SELENOI: variants seen among roughly 807,000 people sequenced by gnomAD.
The protein encoded by SELENOI is selenoprotein I, also known as ethanolaminephosphotransferase 1.
SELENOI carries 24 observed loss-of-function variants against 50.7 expected under a neutral mutation model. That is an observed-to-expected ratio of 0.47 (90% CI 0.34 to 0.67). SELENOI has a LOEUF of 0.67. Ranked by LOEUF, SELENOI falls within the 30% of genes least tolerant of loss-of-function variation. The probability of loss-of-function intolerance (pLI) is 0.01; values close to 1 mark genes in which losing one functional copy is unlikely to be tolerated. For synonymous variants in SELENOI, 155 were observed against 170.2 expected (o/e 0.91, Z 0.70); for missense variants, 352 against 461.4 (o/e 0.76, Z 2.17).
chr2:26,347,997 G>A (rs1003251237), intron 1 of SELENOI, among the ~76,000 whole-genome samples: 3 of 152,070 alleles, frequency 2.0e-5, no homozygotes, highest in African/African-American at 7.2e-5. Context: ...ATAGTTTGTT[G>A]ATATCATTTT....
rs775113885 is a variant in SELENOI, at chr2:26,390,381, G to A, written c.*1278G>A. On this transcript the variant is annotated 3_prime_UTR_variant, in exon 10 of 10. Transcript: ENST00000260585. The stretch of plus-strand genomic sequence containing the variant: ...TTTTCACTGAATGAAGTTTGTGCTT[G>A]AATGAAGAGTGTATCTTAAACCCCC... The A allele has an allele frequency of 1.5e-4, 23 of 152,504 alleles. No homozygotes were observed. The highest frequency in any genetic ancestry group is 2.9e-4 in the Non-Finnish European group (20 of 68,022). 9.4% of individuals were successfully genotyped at this position (152,504 alleles called of 1,614,324 possible). A position where few individuals can be genotyped will look rare whatever the true frequency, so the allele number is the denominator to read the frequency against.
Position 26,351,415 on chromosome 2 carries a change from A to AAT in SELENOI, c.57+5127_57+5128dup, listed in dbSNP as rs1183523034. Among the ~76,000 whole-genome samples, 7 of 152,274 alleles carry AAT rather than the reference A, an allele frequency of 4.6e-5. No individual in the cohort carries two copies. In the East Asian group the frequency reaches 1.3e-3, roughly 29 times the overall value. On this transcript the variant is annotated intron_variant, in intron 1 of 9. Coordinates refer to ENST00000260585, the MANE Select transcript of SELENOI (RefSeq NM_033505.4). ...AGCTGTGGCTCGCTGTGCTGCCCAG[A>AAT]ATTTTGAGAGAATATCATAGCACTT... is the stretch of plus-strand genomic sequence containing the variant.
Position 26,392,660 on chromosome 2 carries a change from A to G in SELENOI, c.*3557A>G, listed in dbSNP as rs1327802361. ...AAGGACTGGGAACGTGCCAGGGGGA[A>G]CAAAGTAAGCTTGATGGGCTGGAAC... is the stretch of plus-strand genomic sequence containing the variant. On this transcript the variant is annotated 3_prime_UTR_variant, in exon 10 of 10. Coordinates refer to ENST00000260585, the MANE Select transcript of SELENOI (RefSeq NM_033505.4). 6 of 152,218 alleles carry G rather than the reference A, an allele frequency of 3.9e-5. No homozygotes were observed. The highest frequency in any genetic ancestry group is 1.4e-4 in the African/African-American group (6 of 41,446). 9.4% of individuals were successfully genotyped at this position (152,218 alleles called of 1,614,324 possible).
Position 26,365,824 on chromosome 2 carries a change from C to T in SELENOI, c.235+884C>T, listed in dbSNP as rs1190134267. Among the ~76,000 whole-genome samples the T allele has an allele frequency of 6.5e-5, 8 of 123,000 alleles. 1 individual carries two copies. The highest frequency in any genetic ancestry group is 9.6e-5 in the Non-Finnish European group (6 of 62,726). 80.7% of individuals were successfully genotyped at this position (123,000 alleles called of 152,430 possible). On this transcript the variant is annotated intron_variant, in intron 3 of 9. Coordinates refer to ENST00000260585, the MANE Select transcript of SELENOI (RefSeq NM_033505.4). ...TTTTTTTTTTTTTTTTTTTTTGAGA[C>T]GGAGTGTCACTCTGTCGCCCAGGCT...
intron 1 of SELENOI, among the ~76,000 whole-genome samples, chr2:26,362,225 G>A (rs1245692557): frequency 1.3e-5 from 2 of 151,492 alleles, no homozygotes; most frequent in Non-Finnish European, 2.9e-5. Context: ...ACCTGCCACC[G>A]TGCCCGGCTA....
chr2:26,366,407 A>G (rs1677288094), intron 3 of SELENOI, among the ~76,000 whole-genome samples: 1 of 152,194 alleles, frequency 6.6e-6, no homozygotes, highest in Admixed American at 6.5e-5. Context: ...TTTCTTTGAC[A>G]ACTCTAAATA....
chr2:26,376,737 GT>G (rs1331062296), intron 6 of SELENOI, among the ~76,000 whole-genome samples: 1 of 151,916 alleles, frequency 6.6e-6, no homozygotes, highest in Non-Finnish European at 1.5e-5. Flanking sequence ...CTTCCTTTAG[GT>G]TTTTTTATAG....
At chr2:26,370,532 G>C (rs1216687692) in intron 4 of SELENOI, among the ~76,000 whole-genome samples, 2 of 137,120 alleles carry the variant, frequency 1.5e-5, no homozygotes, top group Non-Finnish European at 3.3e-5. Context: ...TGGCCGGGCA[G>C]AGGGGCTCCT....
At chr2:26,357,374 C>T (rs949864717) in intron 1 of SELENOI, among the ~76,000 whole-genome samples, 1 of 152,212 alleles carries the variant, frequency 6.6e-6, no homozygotes, top group African/African-American at 2.4e-5. Context: ...AGGCACACTT[C>T]CTGCTCCACT....
At chr2:26,376,370 G>C (rs1255735548) in intron 6 of SELENOI, among the ~76,000 whole-genome samples, 1 of 152,114 alleles carries the variant, frequency 6.6e-6, no homozygotes, top group Non-Finnish European at 1.5e-5. Flanking sequence ...CAATTATGTA[G>C]TGACCCTTTT....
At chr2:26,383,211 G>T in intron 6 of SELENOI, 88 bp from the exon 7 acceptor site, 1 of 854,218 alleles carries the variant, frequency 1.2e-6, no homozygotes. Context: ...AATTTTTGGG[G>T]TCTAAAAAAA....
At chr2:26,362,499 G>A (rs1172728874) in intron 1 of SELENOI, among the ~76,000 whole-genome samples, 4 of 151,944 alleles carry the variant, frequency 2.6e-5, no homozygotes, top group Non-Finnish European at 4.4e-5. Flanking sequence ...GGTGGCTCAC[G>A]CCTGTAATCC....
At chr2:26,382,318 T>C (rs2147961271) in intron 6 of SELENOI, among the ~76,000 whole-genome samples, 1 of 152,080 alleles carries the variant, frequency 6.6e-6, no homozygotes, top group East Asian at 1.9e-4. Context: ...CAGAATGAAA[T>C]GGTGAGATGG....
At chr2:26,356,910 TCTC>T (rs1366869879) in intron 1 of SELENOI, among the ~76,000 whole-genome samples, 1 of 152,116 alleles carries the variant, frequency 6.6e-6, no homozygotes, top group Non-Finnish European at 1.5e-5. Flanking sequence ...ATGTTATTGT[TCTC>T]CTGCCTTGAA....
chr2:26,378,872 C>A (rs1467008502), intron 6 of SELENOI, among the ~76,000 whole-genome samples: 1 of 152,282 alleles, frequency 6.6e-6, no homozygotes, highest in South Asian at 2.1e-4. Context: ...GTAAATATTT[C>A]ACTGTGTATC....
At position 26,395,349 on chromosome 2, in the gene SELENOI, G is replaced by A. The variant is rs1213403464; in HGVS notation, c.*6246G>A. 1.3e-5 allele frequency: 2 copies of A among 152,076 alleles called. No individual in the cohort carries two copies. The highest frequency in any genetic ancestry group is 2.9e-5 in the Non-Finnish European group (2 of 68,022). The allele number at this position is 152,076 out of a possible 1,614,324, so 9.4% of individuals were successfully genotyped here. On this transcript the variant is annotated 3_prime_UTR_variant, in exon 10 of 10. Coordinates refer to ENST00000260585, the MANE Select transcript of SELENOI (RefSeq NM_033505.4). ...TGTCTTCCAGTTCATCTCAGTCCTC[G>A]AGAAAGGCCCTTTAAATATGTCACT...
intron 1 of SELENOI, among the ~76,000 whole-genome samples, chr2:26,355,278 C>A (rs1037736025): frequency 6.6e-6 from 1 of 152,176 alleles, no homozygotes; most frequent in African/African-American, 2.4e-5. Context: ...AGGGTGGCAA[C>A]GTAATGGACA....
Position 26,389,002 on chromosome 2 carries a change from T to A in SELENOI, c.1096-3T>A, listed in dbSNP as rs1294757780. ...CACTGTCTCATGTTCTGATTTTTCATAGGTAAAGCAGCTGAGCAGCCATTT... is the reference window on the plus strand; with the variant it reads ...CACTGTCTCATGTTCTGATTTTTCAAAGGTAAAGCAGCTGAGCAGCCATTT... On this transcript the variant is annotated splice_polypyrimidine_tract_variant and splice_region_variant and intron_variant, in intron 9 of 9. Transcript: ENST00000260585. 1 of 1,576,126 alleles carries A rather than the reference T, an allele frequency of 6.3e-7. No individual in the cohort carries two copies. The highest frequency in any genetic ancestry group is 8.6e-7 in the Non-Finnish European group (1 of 1,158,636).
chr2:26,354,177 C>G (rs527586250), intron 1 of SELENOI, among the ~76,000 whole-genome samples: 1 of 152,246 alleles, frequency 6.6e-6, no homozygotes, highest in South Asian at 2.1e-4. Flanking sequence ...CAACTGCCAT[C>G]TGAGAAAGAG....
Sources: gnomAD v4.1 joint callset for allele counts (sites outside exome capture counted in the v4.1 genomes callset) on GRCh38, gnomAD v4.1.1 for gene constraint, MANE v1.5 for transcripts, NCBI Gene and HGNC (gene_info 2026-07-23, HGNC 2026-07-21) for gene names.